Variants in NT5C3A observed in about 807,000 individuals in gnomAD.
NT5C3A encodes cytosolic 5'-nucleotidase 3A.
NT5C3A carries 23 observed loss-of-function variants against 40.0 expected under a neutral mutation model. The ratio of observed to expected loss-of-function variants is 0.58; its 90% CI spans 0.41 to 0.81. The LOEUF (loss-of-function observed/expected upper bound fraction) is 0.81. Ranked by LOEUF, NT5C3A falls within the 40% of genes least tolerant of loss-of-function variation. The pLI, the probability that NT5C3A is intolerant of heterozygous loss-of-function variation, is 0.00. For missense variants in NT5C3A, 328 were observed against 403.0 expected (o/e 0.81, Z 1.59); for synonymous variants, 130 against 141.4 (o/e 0.92, Z 0.57).
chr7:33,035,882 G>C, intron 1 of NT5C3A: 1 of 1,396,826 alleles, frequency 7.2e-7, no homozygotes, highest in Non-Finnish European at 1.0e-6. Context: ...AGAGGTAAAA[G>C]TGGTGAAGAT....
intron 1 of NT5C3A, among the ~76,000 whole-genome samples, chr7:33,033,745 GA>G (rs1786417602): frequency 1.3e-5 from 2 of 152,078 alleles, no homozygotes; most frequent in South Asian, 4.1e-4. Context: ...GGGAAAAAGA[GA>G]AATAGCTCTG....
intron 1 of NT5C3A, among the ~76,000 whole-genome samples, chr7:33,040,263 T>C (rs1406534508): frequency 6.6e-6 from 1 of 152,164 alleles, no homozygotes; most frequent in Admixed American, 6.6e-5. Context: ...AATTCAATTA[T>C]TTAAATATAA....
chr7:33,014,295 C>T lies in NT5C3A; in HGVS notation c.*435G>A, dbSNP rs1165415463. 1 of 454,430 alleles carries T rather than the reference C, an allele frequency of 2.2e-6. No individual in the cohort carries two copies. The highest frequency in any genetic ancestry group is 4.4e-6 in the Non-Finnish European group (1 of 226,824). The allele number at this position is 454,430 out of a possible 1,614,324, so 28.1% of individuals were successfully genotyped here. A position where few individuals can be genotyped will look rare whatever the true frequency, so the allele number is the denominator to read the frequency against. ...AAAATAACCAAACCTAACACAATTTCAAGAGATGGTGATACCATCAGCATA... is the reference window on the plus strand; with the variant it reads ...AAAATAACCAAACCTAACACAATTTTAAGAGATGGTGATACCATCAGCATA... On this transcript the variant is annotated 3_prime_UTR_variant, in exon 9 of 9. Coordinates refer to ENST00000610140, the MANE Select transcript of NT5C3A (RefSeq NM_001002010.5).
chr7:33,061,744 G>A (rs1439835826), intron 1 of NT5C3A, among the ~76,000 whole-genome samples: 4 of 152,080 alleles, frequency 2.6e-5, no homozygotes, highest in African/African-American at 7.2e-5. Context: ...ACGGTCAGGC[G>A]TATACCCAGG....
At chr7:33,020,037 A>C (rs1785539664) in intron 5 of NT5C3A, among the ~76,000 whole-genome samples, 1 of 152,204 alleles carries the variant, frequency 6.6e-6, no homozygotes, top group African/African-American at 2.4e-5. Flanking sequence ...TGGAAGCATA[A>C]TCCTTTCTCT....
chr7:33,045,510 A>T (rs1787106190), intron 1 of NT5C3A, among the ~76,000 whole-genome samples: 1 of 151,376 alleles, frequency 6.6e-6, no homozygotes, highest in Non-Finnish European at 1.5e-5. Context: ...CCCAGGCTGG[A>T]GTGCAGTGGC....
rs368219239 is a variant in NT5C3A at position 33,014,690 on chromosome 7, T to C, written c.*40A>G. Reference sequence around the variant, plus strand: ...CAAGATGAACGGATGAACAGTTCAATTGCACCCACAGGAGAGAGGTCTTCT... The same window carrying C: ...CAAGATGAACGGATGAACAGTTCAACTGCACCCACAGGAGAGAGGTCTTCT... On this transcript the variant is annotated 3_prime_UTR_variant, in exon 9 of 9. Coordinates refer to ENST00000610140, the MANE Select transcript of NT5C3A (RefSeq NM_001002010.5). 98 of 1,607,418 alleles carry C rather than the reference T, an allele frequency of 6.1e-5. 1 individual carries two copies. Among genetic ancestry groups the C allele is most frequent in the African/African-American group, 4.9e-4 (37 of 74,882 alleles).
At chr7:33,048,013 T>C (rs1378521767) in intron 1 of NT5C3A, among the ~76,000 whole-genome samples, 1 of 151,998 alleles carries the variant, frequency 6.6e-6, no homozygotes, top group Non-Finnish European at 1.5e-5. Context: ...TGTGTGTGTG[T>C]GTGTCTTTTG....
intron 1 of NT5C3A, among the ~76,000 whole-genome samples, chr7:33,054,225 G>A (rs1787483057): frequency 6.6e-6 from 1 of 151,902 alleles, no homozygotes; most frequent in South Asian, 2.1e-4. Context: ...ATGGTGGCAT[G>A]CACCTGTAGT....
intron 1 of NT5C3A, chr7:33,036,147 C>A (rs530001994): frequency 1.5e-5 from 10 of 645,550 alleles, no homozygotes; most frequent in East Asian, 2.8e-5. Flanking sequence ...ATTTTATGTA[C>A]AAAGAACTAA....
At chr7:33,061,674 A>G (rs1442647889) in intron 1 of NT5C3A, among the ~76,000 whole-genome samples, 1 of 152,210 alleles carries the variant, frequency 6.6e-6, no homozygotes, top group Non-Finnish European at 1.5e-5. Flanking sequence ...TATTTAGTGT[A>G]GATTTTAAAT....
At chr7:33,017,375 T>C (rs1439633597) in intron 7 of NT5C3A, 64 bp downstream of exon 7, 2 of 1,324,988 alleles carry the variant, frequency 1.5e-6, no homozygotes, top group Non-Finnish European at 2.1e-6. Flanking sequence ...TAACAATAAA[T>C]AAATTTACAT....
At chr7:33,050,804 A>C (rs1311275459) in intron 1 of NT5C3A, among the ~76,000 whole-genome samples, 1 of 152,242 alleles carries the variant, frequency 6.6e-6, no homozygotes, top group Non-Finnish European at 1.5e-5. Flanking sequence ...ACTTGGTTTA[A>C]ATTGTATAGA....
Position 33,021,305 on chromosome 7 carries a change from G to C in NT5C3A, c.407C>G (p.Thr136Ser). The C allele has an allele frequency of 1.2e-6, 2 of 1,612,196 alleles. No individual in the cohort carries two copies. Among genetic ancestry groups the C allele is most frequent in the Non-Finnish European group, 1.7e-6 (2 of 1,178,806 alleles). ...CATATAAGGGTACTTCTCTTCTACA[G>C]TAAGAACAGGATCAACTTCAATAGC... ...YYAIEVDPVL[T>S]VEEKYPYMVE... The change falls in exon 5 of 9, where the codon ACT becomes AGT. Residue 136 changes from threonine (T) to serine (S), a missense_variant. Thr to Ser is a moderately conservative substitution (Grantham distance 58, BLOSUM62 1). Coordinates refer to ENST00000610140, the MANE Select transcript of NT5C3A (RefSeq NM_001002010.5).
intron 1 of NT5C3A, among the ~76,000 whole-genome samples, chr7:33,058,297 G>A (rs10241653): frequency 0.73 from 110,195 of 151,948 alleles, 40,209 homozygotes; most frequent in African/African-American, 0.79. Flanking sequence ...AATATGGAGA[G>A]TAAGTAACTA....
chr7:33,051,923 T>C (rs1239257611), intron 1 of NT5C3A, among the ~76,000 whole-genome samples: 2 of 152,172 alleles, frequency 1.3e-5, no homozygotes, highest in Non-Finnish European at 2.9e-5. Flanking sequence ...ATTTAAAAAA[T>C]ATATAAAAGC....
intron 5 of NT5C3A, among the ~76,000 whole-genome samples, chr7:33,020,896 G>A (rs533972241): frequency 2.5e-4 from 38 of 151,864 alleles, no homozygotes; most frequent in African/African-American, 9.2e-4. Flanking sequence ...GCAACCAAAG[G>A]TCGATTTTTG....
At chr7:33,016,245 G>A (rs369491463) in intron 7 of NT5C3A, among the ~76,000 whole-genome samples, 2 of 151,900 alleles carry the variant, frequency 1.3e-5, no homozygotes, top group African/African-American at 2.4e-5. Context: ...TTGGTGGCAC[G>A]CACCTGTAGT....
chr7:33,019,554 T>G, intron 6 of NT5C3A, 81 bp downstream of exon 6: 1 of 876,174 alleles, frequency 1.1e-6, no homozygotes, highest in Non-Finnish European at 1.9e-6. Flanking sequence ...AATCTTATTT[T>G]TAAAAAGTAC....
Sources: allele counts gnomAD v4.1 joint callset (sites outside exome capture counted in the v4.1 genomes callset), GRCh38; gene constraint gnomAD v4.1.1; transcripts MANE v1.5; gene names NCBI Gene and HGNC (gene_info 2026-07-23, HGNC 2026-07-21).